Variants in CSMD1 observed in about 807,000 individuals in gnomAD.
The protein encoded by CSMD1 is CUB and Sushi multiple domains 1.
CSMD1 carries 213 observed loss-of-function variants against 417.5 expected under a neutral mutation model. The ratio of observed to expected loss-of-function variants is 0.51; its 90% CI spans 0.46 to 0.57. The LOEUF is 0.57. Ranked by LOEUF, CSMD1 falls within the 20% of genes least tolerant of loss-of-function variation. The pLI is 0.00. For missense variants in CSMD1, 6,923 were observed against 4,529.7 expected (o/e 1.53, Z -15.17); for synonymous variants, 2,862 against 1,736.8 (o/e 1.65, Z -16.11).
intron 3 of CSMD1, among the ~76,000 whole-genome samples, chr8:4,407,457 T>A (rs755089423): frequency 2.6e-5 from 4 of 152,164 alleles, no homozygotes; most frequent in Non-Finnish European, 2.9e-5. Flanking sequence ...ATCAAAAGTA[T>A]GTTGTAAAAC....
intron 5 of CSMD1, among the ~76,000 whole-genome samples, chr8:3,839,243 T>C (rs1212174106): frequency 2.2e-4 from 27 of 125,262 alleles, no homozygotes; most frequent in Non-Finnish European, 1.3e-4. Flanking sequence ...TTATATATAC[T>C]ATTAATATAT....
At chr8:3,836,743 T>C (rs1259559835) in intron 5 of CSMD1, among the ~76,000 whole-genome samples, 1 of 152,054 alleles carries the variant, frequency 6.6e-6, no homozygotes, top group Non-Finnish European at 1.5e-5. Flanking sequence ...GACAATGAAA[T>C]TCAGGGCAAA....
intron 5 of CSMD1, among the ~76,000 whole-genome samples, chr8:3,964,167 C>T (rs780837750): frequency 1.3e-5 from 2 of 152,148 alleles, no homozygotes; most frequent in Non-Finnish European, 2.9e-5. Context: ...CAATTTTCAT[C>T]TTAACAAGTA....
At chr8:4,405,814 G>T (rs1168310346) in intron 3 of CSMD1, among the ~76,000 whole-genome samples, 1 of 152,148 alleles carries the variant, frequency 6.6e-6, no homozygotes, top group Non-Finnish European at 1.5e-5. Flanking sequence ...GCCCTGGGCG[G>T]AGCAGTGCGT....
intron 2 of CSMD1, among the ~76,000 whole-genome samples, chr8:4,562,083 T>C (rs1289453505): frequency 3.9e-5 from 6 of 152,144 alleles, no homozygotes; most frequent in Admixed American, 3.9e-4. Flanking sequence ...ATGAAGAAGA[T>C]GGAAATATGT....
intron 1 of CSMD1, among the ~76,000 whole-genome samples, chr8:4,924,315 T>A (rs1806704490): frequency 6.6e-6 from 1 of 152,252 alleles, no homozygotes; most frequent in South Asian, 2.1e-4. Flanking sequence ...CCTAATTATG[T>A]TCATGTAAAA....
At position 2,999,946 on chromosome 8, in the gene CSMD1, G is replaced by C; in HGVS notation, c.8203+12C>G. Reference sequence around the variant, plus strand: ...AAGCATCGATGAATTCGTCCACAAAGAGTGCACTTACGGACACAGACAGGC... The same window carrying C: ...AAGCATCGATGAATTCGTCCACAAACAGTGCACTTACGGACACAGACAGGC... On this transcript the variant is annotated intron_variant, in intron 53 of 69. Transcript: ENST00000635120. 2 of 1,604,652 alleles carry C rather than the reference G, an allele frequency of 1.2e-6. No individual in the cohort carries two copies. Among genetic ancestry groups the C allele is most frequent in the East Asian group, 4.5e-5 (2 of 44,632 alleles).
chr8:4,190,111 G>A (rs1584990007), intron 3 of CSMD1, among the ~76,000 whole-genome samples: 1 of 151,616 alleles, frequency 6.6e-6, no homozygotes, highest in Admixed American at 6.6e-5. Context: ...TACAAAAAAT[G>A]AGCCGGGCGT....
chr8:3,417,666 G>A (rs1813240523), intron 12 of CSMD1, among the ~76,000 whole-genome samples: 1 of 152,164 alleles, frequency 6.6e-6, no homozygotes, highest in African/African-American at 2.4e-5. Context: ...GAGAGAGTGA[G>A]TAAAAGCAAC....
chr8:4,658,977 C>T (rs1453943769), intron 1 of CSMD1, among the ~76,000 whole-genome samples: 1 of 151,932 alleles, frequency 6.6e-6, no homozygotes, highest in African/African-American at 2.4e-5. Flanking sequence ...CTGTGGTAAC[C>T]ACGAAGGCAA....
intron 3 of CSMD1, among the ~76,000 whole-genome samples, chr8:4,048,226 T>A (rs1798248865): frequency 6.6e-6 from 1 of 152,324 alleles, no homozygotes; most frequent in South Asian, 2.1e-4. Context: ...CCGTTCTTTG[T>A]TATTAGTCAC....
intron 1 of CSMD1, among the ~76,000 whole-genome samples, chr8:4,885,195 T>A (rs986042308): frequency 2.6e-5 from 4 of 152,106 alleles, no homozygotes; most frequent in African/African-American, 9.7e-5. Context: ...CCTGCAAGCC[T>A]GCTAAATTTT....
chr8:4,357,016 G>A (rs1233174543), intron 3 of CSMD1, among the ~76,000 whole-genome samples: 1 of 152,174 alleles, frequency 6.6e-6, no homozygotes, highest in Non-Finnish European at 1.5e-5. Context: ...AATTTCAATT[G>A]CTATAAAATT....
chr8:3,436,190 A>G (rs1814551763), intron 12 of CSMD1, among the ~76,000 whole-genome samples: 1 of 152,168 alleles, frequency 6.6e-6, no homozygotes. Flanking sequence ...CTAAGATACC[A>G]TCATTATAAG....
chr8:4,192,836 G>T (rs1799109551), intron 3 of CSMD1, among the ~76,000 whole-genome samples: 2 of 152,124 alleles, frequency 1.3e-5, no homozygotes, highest in Admixed American at 6.6e-5. Flanking sequence ...ACGCTATTAA[G>T]CCCAAGATCA....
intron 3 of CSMD1, among the ~76,000 whole-genome samples, chr8:4,402,089 C>T (rs896186079): frequency 6.6e-6 from 1 of 152,016 alleles, no homozygotes; most frequent in African/African-American, 2.4e-5. Context: ...TGTTCTCAAC[C>T]TCCTCCCCTT....
At chr8:3,506,730 G>C (rs895541248) in intron 10 of CSMD1, among the ~76,000 whole-genome samples, 1 of 152,208 alleles carries the variant, frequency 6.6e-6, no homozygotes, top group Admixed American at 6.5e-5. Flanking sequence ...ATGATTGACT[G>C]TATAGGAGAT....
At chr8:4,906,586 C>CT (rs11428930) in intron 1 of CSMD1, among the ~76,000 whole-genome samples, 122,329 of 151,374 alleles carry the variant, frequency 0.81, 49,510 homozygotes, top group Admixed American at 0.84. Flanking sequence ...CTTTTTTTTC[C>CT]CCCACTTTGT....
At chr8:4,326,377 G>A (rs148980562) in intron 3 of CSMD1, among the ~76,000 whole-genome samples, 82 of 152,244 alleles carry the variant, frequency 5.4e-4, no homozygotes, top group Middle Eastern at 3.4e-3. Context: ...CCAATGTGGC[G>A]AGAGGCACTC....
Sources: allele counts gnomAD v4.1 joint callset (sites outside exome capture counted in the v4.1 genomes callset), GRCh38; gene constraint gnomAD v4.1.1; transcripts MANE v1.5; gene names NCBI Gene and HGNC (gene_info 2026-07-23, HGNC 2026-07-21).